HMGCS1: variants seen among roughly 807,000 people sequenced by gnomAD.
HMGCS1 encodes the protein hydroxymethylglutaryl-CoA synthase, cytoplasmic.
In HMGCS1, 9 loss-of-function variants were observed where a neutral mutation model predicts 52.3. That is an observed-to-expected ratio of 0.17 (90% CI 0.10 to 0.30). The LOEUF is 0.30. Among genes scored for constraint, HMGCS1 ranks in the 10% least tolerant of loss-of-function variants. The probability of loss-of-function intolerance (pLI) is 1.00; values close to 1 mark genes in which losing one functional copy is unlikely to be tolerated. For missense variants in HMGCS1, 320 were observed against 620.9 expected (o/e 0.52, Z 5.15); for synonymous variants, 176 against 214.4 (o/e 0.82, Z 1.57).
Position 43,294,800 on chromosome 5 carries a change from T to C in HMGCS1, c.967A>G (p.Ser323Gly), listed in dbSNP as rs1753948843. 6.2e-7 allele frequency: 1 copy of C among 1,611,170 alleles called. No homozygotes were observed. The highest frequency in any genetic ancestry group is 8.5e-7 in the Non-Finnish European group (1 of 1,177,654). ...RDVEKAFMKA[S>G]SELFSQKTKA... ...GTTTTCTGACTGAAGAGTTCAGAGC[T>C]AGCCTTCATAAATGCCTTCTCCACA... The change falls in exon 7 of 11, where the codon AGC (serine) becomes GGC (glycine). Residue 323 changes from serine to glycine, a missense_variant. Physicochemically the swap from Ser to Gly is moderately conservative, Grantham distance 56. Around this residue, in one of 3 missense-constraint regions of HMGCS1, gnomAD observed 213 missense variants for 337.4 expected, o/e 0.63. Coordinates refer to ENST00000325110, the MANE Select transcript of HMGCS1 (RefSeq NM_001098272.3).
chr5:43,294,165 A>G lies in HMGCS1; in HGVS notation c.1077-3T>C. 6.3e-7 allele frequency: 1 copy of G among 1,575,036 alleles called. No individual in the cohort carries two copies. The highest frequency in any genetic ancestry group is 1.1e-5 in the South Asian group (1 of 90,296). ...CTGCTAATTGCTGAGGTGAGTACCT[A>G]TGTAGGGTGTAACAATAGTTCAGAA... On this transcript the variant is annotated splice_region_variant and splice_polypyrimidine_tract_variant and intron_variant, in intron 7 of 10. Transcript: ENST00000325110.
In HMGCS1 at chr5:43,291,090, A is replaced by AT. The variant is rs1753738175; in HGVS notation, c.*40dup. The stretch of plus-strand genomic sequence containing the variant: ...CCAACTGTTCCCATACCCCCACCCC[A>AT]TGCCCACCCCACCCTGAAGTCTTGC... On this transcript the variant is annotated 3_prime_UTR_variant, in exon 11 of 11. Transcript: ENST00000325110. 9.1e-6 allele frequency: 4 copies of AT among 440,910 alleles called. No individual in the cohort carries two copies. The highest frequency in any genetic ancestry group is 1.8e-5 in the Non-Finnish European group (4 of 221,986). The allele number at this position is 440,910 out of a possible 1,614,324, so 27.3% of individuals were successfully genotyped here. A position where few individuals can be genotyped will look rare whatever the true frequency, so the allele number is the denominator to read the frequency against.
In HMGCS1 at chr5:43,298,507, A is replaced by G. The variant is rs766003857; in HGVS notation, c.448+11T>C. On this transcript the variant is annotated intron_variant, in intron 3 of 10. Coordinates refer to ENST00000325110, the MANE Select transcript of HMGCS1 (RefSeq NM_001098272.3). The surrounding 1 kb of genome is among the most constrained non-coding windows in gnomAD (Gnocchi z 5.6). Reference sequence around the variant, plus strand: ...TTTTGGGGGACGGCGGGGAATAGGCATGTAACATACCATCCCAAGAGCTGG... The same window carrying G: ...TTTTGGGGGACGGCGGGGAATAGGCGTGTAACATACCATCCCAAGAGCTGG... 1 of 1,604,560 alleles carries G rather than the reference A, an allele frequency of 6.2e-7. No individual in the cohort carries two copies. The highest frequency in any genetic ancestry group is 1.1e-5 in the South Asian group (1 of 90,536).
At chr5:43,292,392 T>C in intron 10 of HMGCS1, 82 bp downstream of exon 10, 2 of 1,189,802 alleles carry the variant, frequency 1.7e-6, no homozygotes, top group Admixed American at 2.0e-5. Flanking sequence ...TTACTCTTCT[T>C]TACTGACATT....
In HMGCS1 at chr5:43,294,804, C is replaced by T. The variant is rs1753949227; in HGVS notation, c.963G>A (p.Lys321=). ...FDRDVEKAFM[K]ASSELFSQKT... ...TCTGACTGAAGAGTTCAGAGCTAGC[C>T]TTCATAAATGCCTTCTCCACATCTC... Residue 321 remains lysine, a synonymous_variant, in exon 7 of 11, where the codon AAG becomes AAA. Coordinates refer to ENST00000325110, the MANE Select transcript of HMGCS1 (RefSeq NM_001098272.3). 6.2e-7 allele frequency: 1 copy of T among 1,611,896 alleles called. No individual in the cohort carries two copies. The highest frequency in any genetic ancestry group is 8.5e-7 in the Non-Finnish European group (1 of 1,178,412).
chr5:43,300,641 T>A (rs549716383), intron 2 of HMGCS1, among the ~76,000 whole-genome samples: 5 of 151,476 alleles, frequency 3.3e-5, no homozygotes, highest in Non-Finnish European at 7.4e-5. Flanking sequence ...AAAATTTTTT[T>A]AAAATGAGCT....
In HMGCS1 at chr5:43,294,765, A is replaced by T; in HGVS notation, c.1002T>A (p.Ser334=). 6.2e-7 allele frequency: 1 copy of T among 1,612,280 alleles called. No homozygotes were observed. The highest frequency in any genetic ancestry group is 8.5e-7 in the Non-Finnish European group (1 of 1,178,518). The change falls in exon 7 of 11, where the codon TCT becomes TCA. Residue 334 remains serine (S), a synonymous_variant. Transcript: ENST00000325110. ...TTCCATTTTGATTTGATACAAGTAA[A>T]GATGCCTTTGTTTTCTGACTGAAGA... ...SELFSQKTKA[S]LLVSNQNGNM...
At chr5:43,307,993 G>T (rs1187890685) in intron 1 of HMGCS1, among the ~76,000 whole-genome samples, 169 bp from the exon 2 acceptor site, 1 of 152,124 alleles carries the variant, frequency 6.6e-6, no homozygotes, top group Non-Finnish European at 1.5e-5. Flanking sequence ...AAAGCTTATA[G>T]AACATTTTCC....
chr5:43,293,286 TCTCA>T (rs1469830628), intron 8 of HMGCS1, among the ~76,000 whole-genome samples: 2 of 152,188 alleles, frequency 1.3e-5, no homozygotes, highest in African/African-American at 4.8e-5. Context: ...AGAGATGGGG[TCTCA>T]CTATGTTGCT....
At position 43,295,746 on chromosome 5, in the gene HMGCS1, T is replaced by C. The variant is rs766435035; in HGVS notation, c.905+6A>G. The C allele has an allele frequency of 1.4e-5, 23 of 1,605,308 alleles. No individual in the cohort carries two copies. The highest frequency in any genetic ancestry group is 1.9e-5 in the Non-Finnish European group (22 of 1,175,312). Reference sequence around the variant, plus strand: ...GAAGGAAAAAACTCATAATAGCTCCTCTTACCCAAAGGCTTCCAGGCCACT... The same window carrying C: ...GAAGGAAAAAACTCATAATAGCTCCCCTTACCCAAAGGCTTCCAGGCCACT... On this transcript the variant is annotated splice_donor_region_variant and intron_variant, in intron 6 of 10. Coordinates refer to ENST00000325110, the MANE Select transcript of HMGCS1 (RefSeq NM_001098272.3).
intron 8 of HMGCS1, among the ~76,000 whole-genome samples, chr5:43,293,558 A>G (rs1753882888): frequency 1.4e-5 from 2 of 142,026 alleles, no homozygotes; most frequent in Non-Finnish European, 3.1e-5. Flanking sequence ...ATAAGGTAGA[A>G]TTTTTTTTTT....
chr5:43,302,750 A>C (rs912341878), intron 2 of HMGCS1, among the ~76,000 whole-genome samples: 5 of 152,246 alleles, frequency 3.3e-5, no homozygotes, highest in African/African-American at 1.2e-4. Flanking sequence ...ATCCCTAAGC[A>C]GCAGTCAAAG....
At chr5:43,296,344 G>T (rs1579642595) in intron 5 of HMGCS1, among the ~76,000 whole-genome samples, 1 of 152,038 alleles carries the variant, frequency 6.6e-6, no homozygotes, top group East Asian at 1.9e-4. Context: ...TAATAAAAAA[G>T]TTAGAAAACC....
In HMGCS1 at chr5:43,298,481, A is replaced by T. The variant is rs754787099; in HGVS notation, c.448+37T>A. 6.5e-7 allele frequency: 1 copy of T among 1,549,798 alleles called. No homozygotes were observed. Among genetic ancestry groups the T allele is most frequent in the African/African-American group, 1.4e-5 (1 of 72,778 alleles). On this transcript the variant is annotated intron_variant, in intron 3 of 10. Transcript: ENST00000325110. This position sits in a 1 kb window ranked among gnomAD's most constrained non-coding sequence, Gnocchi z 5.6. The stretch of plus-strand genomic sequence containing the variant: ...TGGGTCTATTGAACCTTAGAAAAAA[A>T]TTTTGGGGGACGGCGGGGAATAGGC...
intron 2 of HMGCS1, among the ~76,000 whole-genome samples, chr5:43,300,957 C>T (rs769207958): frequency 2.6e-5 from 4 of 152,016 alleles, no homozygotes; most frequent in African/African-American, 9.6e-5. Context: ...CTTATCCTCT[C>T]GAATATTCAC....
chr5:43,311,094 G>A (rs1263616846), intron 1 of HMGCS1, among the ~76,000 whole-genome samples: 2 of 152,162 alleles, frequency 1.3e-5, no homozygotes, highest in Admixed American at 1.3e-4. Flanking sequence ...GGAGGCCAAG[G>A]CGGACGGATC....
intron 2 of HMGCS1, among the ~76,000 whole-genome samples, chr5:43,303,488 A>G (rs2111708468): frequency 6.6e-6 from 1 of 152,358 alleles, no homozygotes; most frequent in East Asian, 1.9e-4. Context: ...CTGCAAACCT[A>G]TGAGATCATA....
chr5:43,305,168 T>A (rs1352172452), intron 2 of HMGCS1, among the ~76,000 whole-genome samples: 1 of 152,084 alleles, frequency 6.6e-6, no homozygotes. Context: ...GTATTTTTAA[T>A]AGAGATGGGG....
At chr5:43,311,123 A>G (rs140843897) in intron 1 of HMGCS1, among the ~76,000 whole-genome samples, 3,525 of 152,228 alleles carry the variant, frequency 0.023, 97 homozygotes, top group African/African-American at 0.068. Context: ...TCAGGAGTTC[A>G]AGACCAGTCT....
Sources: allele counts gnomAD v4.1 joint callset (sites outside exome capture counted in the v4.1 genomes callset), GRCh38; gene constraint gnomAD v4.1.1; regional missense constraint gnomAD v4.1.1; non-coding constraint Gnocchi (gnomAD v3.1); transcripts MANE v1.5; gene names NCBI Gene and HGNC (gene_info 2026-07-23, HGNC 2026-07-21).